Variants in PIEZO2 observed in about 807,000 individuals in gnomAD.
The protein encoded by PIEZO2 is piezo type mechanosensitive ion channel component 2.
Under a neutral mutation model 337.3 loss-of-function variants are expected in PIEZO2, and 172 were observed. The observed-to-expected ratio is 0.51, with a 90% confidence interval of 0.45 to 0.58. The LOEUF is 0.58. PIEZO2 is among the 20% of genes least tolerant of loss of function. The probability of loss-of-function intolerance (pLI) is 0.00; values close to 1 mark genes in which losing one functional copy is unlikely to be tolerated. For synonymous variants in PIEZO2, 1,251 were observed against 1,228.5 expected, an observed-to-expected ratio of 1.02 and a Z score of -0.38; for missense variants, 3,028 against 3,391.3, an observed-to-expected ratio of 0.89 and a Z score of 2.66.
chr18:10,846,547 CAGTGTTAAATCCTGAG>C lies in PIEZO2; in HGVS notation c.917+8790_917+8805del, dbSNP rs1447650883. On this transcript the variant is annotated intron_variant, in intron 7 of 55. Coordinates refer to ENST00000674853, the MANE Select transcript of PIEZO2 (RefSeq NM_001378183.1). This position sits in a 1 kb window ranked among gnomAD's most constrained non-coding sequence, Gnocchi z 4.1. The stretch of plus-strand genomic sequence containing the variant: ...TTCCTGAGAGGCCAATGTATGTCAG[CAGTGTTAAATCCTGAG>C]AGTACCAAAGCCAAAAAAGCCCATC... Among the ~76,000 whole-genome samples, 2 of 152,102 alleles carry C rather than the reference CAGTGTTAAATCCTGAG, an allele frequency of 1.3e-5. No individual in the cohort carries two copies. Among genetic ancestry groups the C allele is most frequent in the African/African-American group, 4.8e-5 (2 of 41,420 alleles).
chr18:11,025,529 G>A (rs2036508271), intron 2 of PIEZO2, among the ~76,000 whole-genome samples: 1 of 151,944 alleles, frequency 6.6e-6, no homozygotes, highest in South Asian at 2.1e-4. Flanking sequence ...CGGTGCACTA[G>A]CGATCCCATT....
intron 23 of PIEZO2, 147 bp downstream of exon 23, chr18:10,762,353 C>CT (rs2038169898): frequency 1.1e-5 from 11 of 1,003,360 alleles, no homozygotes; most frequent in Non-Finnish European, 1.6e-5. Flanking sequence ...GATTTTAACA[C>CT]TTAGAGTTTG....
In PIEZO2 at chr18:11,093,576, C is replaced by CT. The variant is rs67441841; in HGVS notation, c.65-27355dup. ...GACATCCAGTCCATTCACTCAACAT[C>CT]TTTTTTTTTTTTTTTTTTTTTTTTT... On this transcript the variant is annotated intron_variant, in intron 1 of 55. Transcript: ENST00000674853. Among the ~76,000 whole-genome samples, 386 of 56,654 alleles carry CT rather than the reference C, an allele frequency of 6.8e-3. 26 individuals carry two copies. The highest frequency in any genetic ancestry group is 0.021 in the South Asian group (20 of 936). 37.2% of individuals were successfully genotyped at this position (56,654 alleles called of 152,430 possible). A position where few individuals can be genotyped will look rare whatever the true frequency, so the allele number is the denominator to read the frequency against.
At chr18:10,744,807 T>C (rs2037358805) in intron 30 of PIEZO2, among the ~76,000 whole-genome samples, 1 of 152,150 alleles carries the variant, frequency 6.6e-6, no homozygotes, top group Admixed American at 6.5e-5. Flanking sequence ...ATAAATCTCC[T>C]CAACCTTCTT....
In PIEZO2 at chr18:11,099,374, C is replaced by T. The variant is rs1568372367; in HGVS notation, c.65-33152G>A. Among the ~76,000 whole-genome samples the T allele has an allele frequency of 6.6e-6, 1 of 152,182 alleles. No homozygotes were observed. The highest frequency in any genetic ancestry group is 1.5e-5 in the Non-Finnish European group (1 of 68,046). On this transcript the variant is annotated intron_variant, in intron 1 of 55. Coordinates refer to ENST00000674853, the MANE Select transcript of PIEZO2 (RefSeq NM_001378183.1). This position sits in a 1 kb window ranked among gnomAD's most constrained non-coding sequence, Gnocchi z 5.4. ...ACATAGAAGTTCCTTGTTAAATGCA[C>T]CCTCACCAATACCAAATTGGTCCAT... is the stretch of plus-strand genomic sequence containing the variant.
chr18:10,702,682 A>G (rs2035393785), intron 42 of PIEZO2, among the ~76,000 whole-genome samples: 1 of 152,152 alleles, frequency 6.6e-6, no homozygotes, highest in Non-Finnish European at 1.5e-5. Flanking sequence ...AAAAAACAGA[A>G]ATGAATATTT....
At position 10,707,820 on chromosome 18, in the gene PIEZO2, A is replaced by G. The variant is rs544947289; in HGVS notation, c.5588+455T>C. Among the ~76,000 whole-genome samples, 2 of 152,310 alleles carry G rather than the reference A, an allele frequency of 1.3e-5. No homozygotes were observed. Among genetic ancestry groups the G allele is most frequent in the Admixed American group, 1.3e-4 (2 of 15,306 alleles). Reference sequence around the variant, plus strand: ...TAACATGCAGACTTATTTAATATTCACTAAAAATGACTACCTATGATAGAT... The same window carrying G: ...TAACATGCAGACTTATTTAATATTCGCTAAAAATGACTACCTATGATAGAT... On this transcript the variant is annotated intron_variant, in intron 40 of 55. Transcript: ENST00000674853. The surrounding 1 kb of genome is among the most constrained non-coding windows in gnomAD (Gnocchi z 4.2).
intron 55 of PIEZO2, 60 bp from the exon 56 acceptor site, chr18:10,671,839 G>A (rs886550936): frequency 2.1e-5 from 29 of 1,400,972 alleles, no homozygotes; most frequent in East Asian, 7.5e-5. Flanking sequence ...ATAAAGAAAA[G>A]CATGTCTAAA....
intron 35 of PIEZO2, among the ~76,000 whole-genome samples, chr18:10,732,384 A>G (rs1489503213): frequency 2.0e-5 from 3 of 152,210 alleles, no homozygotes; most frequent in African/African-American, 7.2e-5. Flanking sequence ...GTTTTCTGGG[A>G]GCTCTTTAAA....
Position 11,047,778 on chromosome 18 carries a change from A to G in PIEZO2, c.160+18349T>C, listed in dbSNP as rs1450321389. Among the ~76,000 whole-genome samples the G allele has an allele frequency of 6.6e-6, 1 of 152,158 alleles. No individual in the cohort carries two copies. Among genetic ancestry groups the G allele is most frequent in the Non-Finnish European group, 1.5e-5 (1 of 68,024 alleles). ...AGGTGTCCCTGCATCTTAAAAGAGC[A>G]GTTTTCATTCCGCAGATGCTATTAG... On this transcript the variant is annotated intron_variant, in intron 2 of 55. Coordinates refer to ENST00000674853, the MANE Select transcript of PIEZO2 (RefSeq NM_001378183.1). The surrounding 1 kb of genome is among the most constrained non-coding windows in gnomAD (Gnocchi z 7.2).
rs1205356845 is a variant in PIEZO2, at chr18:10,899,406, T to C, written c.329+11780A>G. Among the ~76,000 whole-genome samples the C allele has an allele frequency of 6.6e-6, 1 of 152,162 alleles. No homozygotes were observed. The highest frequency in any genetic ancestry group is 1.5e-5 in the Non-Finnish European group (1 of 68,028). On this transcript the variant is annotated intron_variant, in intron 4 of 55. Transcript: ENST00000674853. This position sits in a 1 kb window ranked among gnomAD's most constrained non-coding sequence, Gnocchi z 4.6. ...GATTTGGATGGAAAACTCAAACACT[T>C]CCTATGAAATCCACCTAATAAAAGC...
In PIEZO2 at chr18:10,942,612, G is replaced by A. The variant is rs2032788161; in HGVS notation, c.287-31384C>T. Among the ~76,000 whole-genome samples the A allele has an allele frequency of 6.6e-6, 1 of 152,262 alleles. No individual in the cohort carries two copies. The highest frequency in any genetic ancestry group is 1.5e-5 in the Non-Finnish European group (1 of 68,028). ...AAAGGCATTCAGTTTTAGAAGAGAA[G>A]CAGAGCACAAAAGTTCGGAAAATTT... On this transcript the variant is annotated intron_variant, in intron 3 of 55. Coordinates refer to ENST00000674853, the MANE Select transcript of PIEZO2 (RefSeq NM_001378183.1). The surrounding 1 kb of genome is among the most constrained non-coding windows in gnomAD (Gnocchi z 4.4).
intron 1 of PIEZO2, among the ~76,000 whole-genome samples, chr18:11,098,929 C>T (rs146702696): frequency 2.4e-3 from 358 of 151,926 alleles, no homozygotes; most frequent in African/African-American, 8.1e-3. Context: ...TCTCACGTAG[C>T]TGGGACCACA....
At chr18:10,686,201 C>G (rs1298609057) in intron 49 of PIEZO2, among the ~76,000 whole-genome samples, 6 of 152,190 alleles carry the variant, frequency 3.9e-5, no homozygotes, top group Non-Finnish European at 5.9e-5. Flanking sequence ...GTGTCAGCAC[C>G]CATCCTACCT....
At chr18:11,030,197 G>A (rs7242015) in intron 2 of PIEZO2, among the ~76,000 whole-genome samples, 83,995 of 152,008 alleles carry the variant, frequency 0.55, 23,436 homozygotes, top group East Asian at 0.76. Context: ...GGTGTCAAGT[G>A]TTTGAATAAA....
Position 10,807,124 on chromosome 18 carries a change from C to A in PIEZO2, c.1068G>T (p.Leu356=), listed in dbSNP as rs1335308309. 2 of 1,535,272 alleles carry A rather than the reference C, an allele frequency of 1.3e-6. No homozygotes were observed. Among genetic ancestry groups the A allele is most frequent in the Admixed American group, 4.0e-5 (2 of 50,368 alleles). The change falls in exon 8 of 56, where the codon CTG becomes CTT. Residue 356 remains leucine, a synonymous_variant. Transcript: ENST00000674853. The part of the protein sequence containing the change: ...YTLATLIRIW[L]QEPLVQDEGT... ...TTTTTGTCCTTACAAGGGGCTCTTGCAGCCAGATGCGGATCAGAGTGGCCA... is the reference window on the plus strand; with the variant it reads ...TTTTTGTCCTTACAAGGGGCTCTTGAAGCCAGATGCGGATCAGAGTGGCCA...
chr18:10,808,683 T>C (rs2040076589), intron 7 of PIEZO2, among the ~76,000 whole-genome samples: 1 of 152,220 alleles, frequency 6.6e-6, no homozygotes, highest in African/African-American at 2.4e-5. Context: ...ATTTTTGGAG[T>C]TAGCATTTTA....
chr18:10,787,179 G>A lies in PIEZO2; in HGVS notation c.2175C>T (p.His725=), dbSNP rs576189578. 233 of 1,505,944 alleles carry A rather than the reference G, an allele frequency of 1.5e-4. No individual in the cohort carries two copies. The African/African-American group carries it at 2.7e-3, about 17-fold the overall frequency. The allele number at this position is 1,505,944 out of a possible 1,614,324, so 93.3% of individuals were successfully genotyped here. Residue 725 remains histidine (H), a synonymous_variant, in exon 16 of 56, where the codon CAC becomes CAT. Coordinates refer to ENST00000674853, the MANE Select transcript of PIEZO2 (RefSeq NM_001378183.1). ...FLFCVALYQV[H]YEWWRKILKY... The stretch of plus-strand genomic sequence containing the variant: ...TTAGAATTTTCCTCCACCATTCATA[G>A]TGCACCTGCAAATCAGACATTGAAA...
At chr18:10,674,776 T>G (rs2033920212) in intron 54 of PIEZO2, among the ~76,000 whole-genome samples, 1 of 152,206 alleles carries the variant, frequency 6.6e-6, no homozygotes, top group African/African-American at 2.4e-5. Flanking sequence ...TTGCGAAAAT[T>G]CAATCACTAA....
Sources: allele counts gnomAD v4.1 joint callset (sites outside exome capture counted in the v4.1 genomes callset), GRCh38; gene constraint gnomAD v4.1.1; non-coding constraint Gnocchi (gnomAD v3.1); transcripts MANE v1.5; gene names NCBI Gene and HGNC (gene_info 2026-07-23, HGNC 2026-07-21).